THOC5: variants seen among roughly 807,000 people sequenced by gnomAD.
The protein encoded by THOC5 is THO complex subunit 5.
In THOC5, 43 loss-of-function variants were observed where a neutral mutation model predicts 92.9. That is an observed-to-expected ratio of 0.46 (90% CI 0.36 to 0.60). The LOEUF is 0.60. THOC5 is among the 20% of genes least tolerant of loss of function. The pLI is 0.00. For missense variants in THOC5, 659 were observed against 849.4 expected, an observed-to-expected ratio of 0.78 and a Z score of 2.79; for synonymous variants, 296 against 320.1, an observed-to-expected ratio of 0.92 and a Z score of 0.80.
intron 13 of THOC5, among the ~76,000 whole-genome samples, chr22:29,520,535 C>T (rs2063420245): frequency 6.6e-6 from 1 of 151,888 alleles, no homozygotes; most frequent in African/African-American, 2.4e-5. Flanking sequence ...GCTCTGTTGC[C>T]CCCAGGCTGG....
intron 4 of THOC5, among the ~76,000 whole-genome samples, 181 bp downstream of exon 4, chr22:29,543,248 T>G (rs1354504183): frequency 1.4e-5 from 2 of 147,944 alleles, no homozygotes; most frequent in Non-Finnish European, 3.0e-5. Context: ...CTTAGGAGGC[T>G]GAGGCAGGAG....
Position 29,531,417 on chromosome 22 carries a change from C to A in THOC5, c.847+414G>T, listed in dbSNP as rs961460019. The A allele has an allele frequency of 5.7e-5, 57 of 1,003,014 alleles. 1 individual carries two copies. The highest frequency in any genetic ancestry group is 2.1e-4 in the East Asian group (2 of 9,468). 62.1% of individuals were successfully genotyped at this position (1,003,014 alleles called of 1,614,324 possible). A position where few individuals can be genotyped will look rare whatever the true frequency, so the allele number is the denominator to read the frequency against. On this transcript the variant is annotated intron_variant, in intron 8 of 19. Transcript: ENST00000490103. ...GGAAATTCACAACAAAGACATGCAGCCTGATTCAAGGCATGGTGAAAGCCT... is the reference window on the plus strand; with the variant it reads ...GGAAATTCACAACAAAGACATGCAGACTGATTCAAGGCATGGTGAAAGCCT...
intron 8 of THOC5, among the ~76,000 whole-genome samples, chr22:29,530,256 TGTG>T (rs2063625437): frequency 6.6e-6 from 1 of 151,756 alleles, no homozygotes; most frequent in Non-Finnish European, 1.5e-5. Context: ...TTAGGCTGGG[TGTG>T]GTGGCTCATG....
At chr22:29,552,091 A>G (rs1167543329) in intron 1 of THOC5, among the ~76,000 whole-genome samples, 3 of 152,062 alleles carry the variant, frequency 2.0e-5, no homozygotes, top group African/African-American at 4.8e-5. Context: ...TCAGTGCTCA[A>G]TGGTGCCCAG....
chr22:29,538,800 GGAAAAAAAAAAAAA>G (rs1226264157), intron 6 of THOC5, among the ~76,000 whole-genome samples: 22 of 33,000 alleles, frequency 6.7e-4, no homozygotes, highest in Non-Finnish European at 9.7e-4. Flanking sequence ...CCATCTCTTT[GGAAAAAAAAAAAAA>G]AAAAAAAAAA....
chr22:29,538,947 C>CA (rs1363216593), intron 6 of THOC5, among the ~76,000 whole-genome samples: 1 of 150,672 alleles, frequency 6.6e-6, no homozygotes, highest in Non-Finnish European at 1.5e-5. Context: ...CCCATCTCTA[C>CA]AAAAAATACA....
rs1257881133 is a variant in THOC5, at chr22:29,528,184, A to G, written c.967-7T>C. The stretch of plus-strand genomic sequence containing the variant: ...GTGTGGGTCTCCGGCGCTTCTGGAC[A>G]AAGGAAAGTGCCAAGCTGATGAGCA... On this transcript the variant is annotated splice_polypyrimidine_tract_variant and splice_region_variant and intron_variant, in intron 10 of 19. Transcript: ENST00000490103. 2 of 1,613,814 alleles carry G rather than the reference A, an allele frequency of 1.2e-6. No homozygotes were observed. Among genetic ancestry groups the G allele is most frequent in the Non-Finnish European group, 8.5e-7 (1 of 1,179,928 alleles).
At chr22:29,509,640 T>C (rs138069100) in intron 19 of THOC5, among the ~76,000 whole-genome samples, 521 of 134,314 alleles carry the variant, frequency 3.9e-3, no homozygotes, top group Middle Eastern at 0.026. Context: ...TAAGGCACTG[T>C]TTAGACTGAC....
chr22:29,525,965 A>G lies in THOC5; in HGVS notation c.1067-19T>C. On this transcript the variant is annotated intron_variant, in intron 11 of 19. Coordinates refer to ENST00000490103, the MANE Select transcript of THOC5 (RefSeq NM_003678.5). ...CTGTCATCTGGAGGGGAGGAAGATG[A>G]GAGAATTTATGAGTCAAAACACTCA... The G allele has an allele frequency of 6.3e-7, 1 of 1,584,994 alleles. No individual in the cohort carries two copies. Among genetic ancestry groups the G allele is most frequent in the Non-Finnish European group, 8.6e-7 (1 of 1,156,644 alleles).
intron 18 of THOC5, among the ~76,000 whole-genome samples, chr22:29,511,606 T>C (rs1406449761): frequency 1.3e-5 from 2 of 152,274 alleles, no homozygotes; most frequent in Non-Finnish European, 2.9e-5. Context: ...ACGTGTTCCA[T>C]GGCATGTTTG....
intron 17 of THOC5, among the ~76,000 whole-genome samples, chr22:29,516,240 A>C (rs2063330616): frequency 6.6e-6 from 1 of 152,144 alleles, no homozygotes; most frequent in Non-Finnish European, 1.5e-5. Context: ...AAGGGAATAA[A>C]GTGGGATAGG....
At chr22:29,541,878 AAAAAAAAAAAAAAAAATATATAT>A (rs2063898642) in intron 5 of THOC5, among the ~76,000 whole-genome samples, 1 of 96,818 alleles carries the variant, frequency 1.0e-5, no homozygotes, top group Non-Finnish European at 2.1e-5. Flanking sequence ...AAAAAAAAAA[AAAAAAAAAAAAAAAAATATATAT>A]ATATATATAT....
rs1228121068 is a variant in THOC5, at chr22:29,508,313, A to G, written c.*144T>C. On this transcript the variant is annotated 3_prime_UTR_variant, in exon 20 of 20. Coordinates refer to ENST00000490103, the MANE Select transcript of THOC5 (RefSeq NM_003678.5). ...GCAAAGCCACCTTGCCAGGAACCAC[A>G]GACAAAGGCCACTGGTCAGGTGACG... 1.2e-6 allele frequency: 1 copy of G among 826,464 alleles called. No individual in the cohort carries two copies. The allele number at this position is 826,464 out of a possible 1,614,324, so 51.2% of individuals were successfully genotyped here. A position where few individuals can be genotyped will look rare whatever the true frequency, so the allele number is the denominator to read the frequency against.
intron 1 of THOC5, among the ~76,000 whole-genome samples, chr22:29,552,106 G>C (rs1394223828): frequency 1.3e-5 from 2 of 152,170 alleles, no homozygotes; most frequent in East Asian, 3.9e-4. Flanking sequence ...GCCCAGGCTG[G>C]AGTGCAGTGG....
Position 29,525,944 on chromosome 22 carries a change from C to G in THOC5, c.1069G>C (p.Asp357His). The change falls in exon 12 of 20, where the codon GAC (aspartate) becomes CAC (histidine). Residue 357 changes from aspartate (D) to histidine (H), a missense_variant and splice_region_variant. By Grantham distance (81) the Asp-to-His change is moderately conservative (BLOSUM62 -1). Coordinates refer to ENST00000490103, the MANE Select transcript of THOC5 (RefSeq NM_003678.5). ...TAGAAAGTCAGGTGAAGCACACTGT[C>G]ATCTGGAGGGGAGGAAGATGAGAGA... The part of the protein sequence containing the change: ...SVMLDLKCKD[D>H]SVLHLTFYYL... 6.2e-7 allele frequency: 1 copy of G among 1,610,992 alleles called. No homozygotes were observed. Among genetic ancestry groups the G allele is most frequent in the Non-Finnish European group, 8.5e-7 (1 of 1,178,200 alleles).
chr22:29,520,687 G>T (rs2063423203), intron 13 of THOC5, among the ~76,000 whole-genome samples: 1 of 152,018 alleles, frequency 6.6e-6, no homozygotes, highest in South Asian at 2.1e-4. Flanking sequence ...GTAGAGACAG[G>T]GTTTTGCCAT....
chr22:29,548,156 A>T (rs377611598), intron 2 of THOC5, among the ~76,000 whole-genome samples: 66 of 152,262 alleles, frequency 4.3e-4, no homozygotes, highest in African/African-American at 1.5e-3. Flanking sequence ...CAATTCTGGG[A>T]GATACAATTC....
chr22:29,552,340 G>C (rs1290614833), intron 1 of THOC5, among the ~76,000 whole-genome samples: 2 of 151,584 alleles, frequency 1.3e-5, no homozygotes, highest in African/African-American at 2.4e-5. Context: ...AGGAAGTGAG[G>C]AGTGTCTCTG....
At chr22:29,549,030 T>C (rs2064086475) in intron 2 of THOC5, 22 bp downstream of exon 2, 1 of 1,612,350 alleles carries the variant, frequency 6.2e-7, no homozygotes, top group Non-Finnish European at 8.5e-7. Context: ...CTCAGCAGCA[T>C]GGCAACCCTG....
Sources: gnomAD v4.1 joint callset for allele counts (sites outside exome capture counted in the v4.1 genomes callset) on GRCh38, gnomAD v4.1.1 for gene constraint, MANE v1.5 for transcripts, NCBI Gene and HGNC (gene_info 2026-07-23, HGNC 2026-07-21) for gene names.